The following DISC1 variants were observed in gnomAD, a reference collection of about 807,000 sequenced individuals.
DISC1 encodes the protein DISC1 scaffold protein.
Under a neutral mutation model 84.5 loss-of-function variants are expected in DISC1, and 57 were observed. That is an observed-to-expected ratio of 0.67 (90% CI 0.55 to 0.84). The LOEUF is 0.84. Among genes scored for constraint, DISC1 ranks in the 40% least tolerant of loss-of-function variants. The pLI is 0.00. For missense variants in DISC1, 1,000 were observed against 1,057.8 expected (o/e 0.95, Z 0.76); for synonymous variants, 411 against 415.2 (o/e 0.99, Z 0.12).
Position 232,026,561 on chromosome 1 carries a change from T to TTCA in DISC1, c.2425+12_2425+14dup. On this transcript the variant is annotated intron_variant, in intron 12 of 12. Coordinates refer to ENST00000439617, the MANE Select transcript of DISC1 (RefSeq NM_018662.3). ...TGATGAAGATCTCATTCATATCCTTTTCATCTTGCAGATGAAGCAAGGCAA... is the reference window on the plus strand; with the variant it reads ...TGATGAAGATCTCATTCATATCCTTTTCATCATCTTGCAGATGAAGCAAGGCAA... 1 of 1,583,834 alleles carries TTCA rather than the reference T, an allele frequency of 6.3e-7. No homozygotes were observed. The highest frequency in any genetic ancestry group is 8.6e-7 in the Non-Finnish European group (1 of 1,160,342).
At chr1:231,722,639 A>G (rs982521130) in intron 3 of DISC1, 2 of 1,613,864 alleles carry the variant, frequency 1.2e-6, no homozygotes, top group Admixed American at 1.7e-5. Context: ...AGACAAATAG[A>G]TATCCACACA....
At position 231,719,002 on chromosome 1, in the gene DISC1, A is replaced by G. The variant is rs141173836; in HGVS notation, c.1117+16978A>G. Among the ~76,000 whole-genome samples, 57 of 152,272 alleles carry G rather than the reference A, an allele frequency of 3.7e-4. No homozygotes were observed. In the East Asian group the frequency reaches 8.3e-3, roughly 22 times the overall value. The stretch of plus-strand genomic sequence containing the variant: ...TAGCCAGACATGGTTCTGTGCATCA[A>G]TAGACTCAGCTACATGGGAGGCTGA... On this transcript the variant is annotated intron_variant, in intron 3 of 12. Coordinates refer to ENST00000439617, the MANE Select transcript of DISC1 (RefSeq NM_018662.3).
chr1:231,763,278 C>T (rs1392754808), intron 4 of DISC1, among the ~76,000 whole-genome samples: 1 of 152,152 alleles, frequency 6.6e-6, no homozygotes, highest in African/African-American at 2.4e-5. Flanking sequence ...TCAGCAAAAC[C>T]GGTATAATAG....
At chr1:231,991,596 A>T (rs771820330) in intron 10 of DISC1, among the ~76,000 whole-genome samples, 22 of 152,220 alleles carry the variant, frequency 1.4e-4, no homozygotes, top group Non-Finnish European at 2.8e-4. Context: ...TCACAGGGAT[A>T]TCTATGCAAA....
rs777805003 is a variant in DISC1, at chr1:232,031,233, GAA to G, written c.2425+4683_2425+4684del. Reference sequence around the variant, plus strand: ...AGGAAGGAAGGGAGAAAGAGAGAGAGAAAGAGAGGAAGGAAGGAAGGAGAAAG... The same window carrying G: ...AGGAAGGAAGGGAGAAAGAGAGAGAGAGAGAGGAAGGAAGGAAGGAGAAAG... On this transcript the variant is annotated intron_variant, in intron 12 of 12. Transcript: ENST00000439617. The surrounding 1 kb of genome is among the most constrained non-coding windows in gnomAD (Gnocchi z 4.6). Among the ~76,000 whole-genome samples the G allele has an allele frequency of 2.1e-5, 3 of 145,524 alleles. No homozygotes were observed. Among genetic ancestry groups the G allele is most frequent in the Non-Finnish European group, 3.0e-5 (2 of 65,968 alleles).
At chr1:231,770,417 G>A (rs2076463019) in intron 5 of DISC1, among the ~76,000 whole-genome samples, 1 of 152,036 alleles carries the variant, frequency 6.6e-6, no homozygotes, top group Non-Finnish European at 1.5e-5. Context: ...CTTGTGTTTG[G>A]GGACAGACTA....
At chr1:231,827,478 TATC>T (rs770401560) in intron 9 of DISC1, among the ~76,000 whole-genome samples, 10 of 152,218 alleles carry the variant, frequency 6.6e-5, no homozygotes, top group Non-Finnish European at 7.3e-5. Context: ...TTCTTGGCAT[TATC>T]ATGAGTTATG....
chr1:231,701,956 TA>T lies in DISC1; in HGVS notation c.1051del (p.Ile351TyrfsTer3), dbSNP rs781619215. 2 of 1,601,276 alleles carry T rather than the reference TA, an allele frequency of 1.2e-6. No homozygotes were observed. Among genetic ancestry groups the T allele is most frequent in the East Asian group, 2.2e-5 (1 of 44,578 alleles). On this transcript the variant is annotated frameshift_variant and splice_region_variant, in exon 3 of 13. Transcript: ENST00000439617. LOFTEE classifies it high-confidence loss of function. The part of the protein sequence containing the change: ...CLLRNRRQME[V>X]ISLRLKLQKL... ...TTTTTCCCCTTTAAACCAACATAGG[TA>T]ATATCCTTAAGATTAAAACTTCAGA...
At chr1:231,670,779 A>T (rs2062542281) in intron 1 of DISC1, 1 of 152,192 alleles carries the variant, frequency 6.6e-6, no homozygotes, top group Non-Finnish European at 1.5e-5. Flanking sequence ...GTCCTTTCAT[A>T]AAAGAGCCCT....
Position 231,770,812 on chromosome 1 carries a change from TCTTGTCTC to T in DISC1, c.1399-20_1399-13del. 1 of 1,610,276 alleles carries T rather than the reference TCTTGTCTC, an allele frequency of 6.2e-7. No homozygotes were observed. The highest frequency in any genetic ancestry group is 8.5e-7 in the Non-Finnish European group (1 of 1,178,066). On this transcript the variant is annotated splice_polypyrimidine_tract_variant and intron_variant, in intron 5 of 12. Transcript: ENST00000439617. ...CCATGAGCAGGGTTAATTTATAAAA[TCTTGTCTC>T]CTCATTCTCTACAGAAAGAAATCGA...
Position 232,037,703 on chromosome 1 carries a change from GCAGTACTCAGTAAGA to G in DISC1, c.*877_*891del. ...TAACACAATACAGTACTCAGGCAGT[GCAGTACTCAGTAAGA>G]CAGTGCAGTGCTCAGTAAGGCAGTG... On this transcript the variant is annotated 3_prime_UTR_variant, in exon 13 of 13. Coordinates refer to ENST00000439617, the MANE Select transcript of DISC1 (RefSeq NM_018662.3). The G allele has an allele frequency of 6.6e-6, 1 of 152,326 alleles. No individual in the cohort carries two copies. The highest frequency in any genetic ancestry group is 1.9e-4 in the East Asian group (1 of 5,168). The allele number at this position is 152,326 out of a possible 1,614,324, so 9.4% of individuals were successfully genotyped here.
chr1:231,745,231 T>G (rs561820721), intron 3 of DISC1, among the ~76,000 whole-genome samples: 1 of 150,854 alleles, frequency 6.6e-6, no homozygotes, highest in Non-Finnish European at 1.5e-5. Context: ...TATTTTCTTG[T>G]TTTTTTTTGA....
At chr1:231,660,479 A>G (rs1402872524) in intron 1 of DISC1, among the ~76,000 whole-genome samples, 3 of 151,758 alleles carry the variant, frequency 2.0e-5, no homozygotes, top group Non-Finnish European at 2.9e-5. Context: ...AAATATATAT[A>G]TTTTATATTT....
Position 231,851,018 on chromosome 1 carries a change from C to T in DISC1, c.1981+32501C>T, listed in dbSNP as rs535250150. Among the ~76,000 whole-genome samples, 327 of 152,286 alleles carry T rather than the reference C, an allele frequency of 2.1e-3. 1 individual carries two copies. Among genetic ancestry groups the T allele is most frequent in the South Asian group, 6.2e-3 (30 of 4,824 alleles). On this transcript the variant is annotated intron_variant, in intron 9 of 12. Coordinates refer to ENST00000439617, the MANE Select transcript of DISC1 (RefSeq NM_018662.3). The stretch of plus-strand genomic sequence containing the variant: ...GGTCATAGCAAGGGCAGCAGTGCTT[C>T]CCAGGATCATGTGCCTGGAGAGGTC...
In DISC1 at chr1:232,026,424, C is replaced by G. The variant is rs556883434; in HGVS notation, c.2308-11C>G. The G allele has an allele frequency of 3.4e-5, 53 of 1,570,068 alleles. 1 individual carries two copies. The Middle Eastern group carries it at 2.2e-3, about 64-fold the overall frequency. ...CACTAACAAGTGATCTTGTTTTCCC[C>G]CTCTCGCCAGGAATCTTACATCCTT... On this transcript the variant is annotated splice_polypyrimidine_tract_variant and intron_variant, in intron 11 of 12. Coordinates refer to ENST00000439617, the MANE Select transcript of DISC1 (RefSeq NM_018662.3).
intron 6 of DISC1, among the ~76,000 whole-genome samples, chr1:231,776,514 G>C (rs903303178): frequency 9.2e-5 from 14 of 152,194 alleles, no homozygotes; most frequent in Non-Finnish European, 1.3e-4. Flanking sequence ...TCGCGGCAGG[G>C]CTGGGCTGGG....
At chr1:232,015,692 A>G (rs112795641) in intron 11 of DISC1, among the ~76,000 whole-genome samples, 13 of 152,208 alleles carry the variant, frequency 8.5e-5, no homozygotes, top group African/African-American at 1.7e-4. Flanking sequence ...AGGAGCAGGC[A>G]GGAGATGAAC....
intron 10 of DISC1, among the ~76,000 whole-genome samples, chr1:231,973,048 CTTTT>C (rs397934533): frequency 7.3e-6 from 1 of 137,124 alleles, no homozygotes; most frequent in Admixed American, 7.3e-5. Context: ...ATGTCTTGTT[CTTTT>C]TTTTTTTTTT....
chr1:231,880,558 A>G (rs1474358051), intron 9 of DISC1, among the ~76,000 whole-genome samples: 1 of 152,208 alleles, frequency 6.6e-6, no homozygotes, highest in Non-Finnish European at 1.5e-5. Context: ...AGAGATGATA[A>G]CACTGTTATA....
Sources: allele counts gnomAD v4.1 joint callset (sites outside exome capture counted in the v4.1 genomes callset), GRCh38; gene constraint gnomAD v4.1.1; non-coding constraint Gnocchi (gnomAD v3.1); transcripts MANE v1.5; gene names NCBI Gene and HGNC (gene_info 2026-07-23, HGNC 2026-07-21).